Variants in CLCA4 observed in about 807,000 individuals in gnomAD.
CLCA4 encodes chloride channel accessory 4.
Under a neutral mutation model 78.9 loss-of-function variants are expected in CLCA4, and 69 were observed. That is an observed-to-expected ratio of 0.87 (90% CI 0.72 to 1.07). The LOEUF is 1.07. Ranked by LOEUF, CLCA4 falls within the 50% of genes least tolerant of loss-of-function variation. CLCA4 has a pLI of 0.00. For missense variants in CLCA4, 1,133 were observed against 1,095.8 expected (o/e 1.03, Z -0.48); for synonymous variants, 362 against 375.8 (o/e 0.96, Z 0.42).
At chr1:86,572,548 A>T in intron 8 of CLCA4, 66 bp from the exon 9 acceptor site, 1 of 944,692 alleles carries the variant, frequency 1.1e-6, no homozygotes, top group Non-Finnish European at 1.7e-6. Context: ...CTATTAGCTT[A>T]ATAATCACTA....
intron 1 of CLCA4, among the ~76,000 whole-genome samples, chr1:86,554,926 GT>G (rs988140462): frequency 1.3e-4 from 19 of 150,432 alleles, no homozygotes; most frequent in African/African-American, 4.6e-4. Flanking sequence ...CTCATGGTGG[GT>G]TTTTTTGTGT....
At chr1:86,559,113 T>C (rs1649936878) in intron 1 of CLCA4, among the ~76,000 whole-genome samples, 1 of 152,186 alleles carries the variant, frequency 6.6e-6, no homozygotes, top group Non-Finnish European at 1.5e-5. Flanking sequence ...TTTGGGGAAG[T>C]TTTCATAGAT....
In CLCA4 at chr1:86,577,998, G is replaced by A. The variant is rs1210225005; in HGVS notation, c.2048G>A (p.Gly683Glu). ...RYSLKVRAHGGANTARLKLRP... is the reference protein window; with the variant it reads ...RYSLKVRAHGEANTARLKLRP... Reference sequence around the variant, plus strand: ...AGCTTAAAAGTTCGGGCTCATGGAGGAGCAAACACTGCCAGGCTAAAATTA... The same window carrying A: ...AGCTTAAAAGTTCGGGCTCATGGAGAAGCAAACACTGCCAGGCTAAAATTA... Residue 683 changes from glycine (G) to glutamate (E), a missense_variant, in exon 12 of 14, where the codon GGA (glycine) becomes GAA (glutamate). Transcript: ENST00000370563. The A allele has an allele frequency of 1.9e-6, 3 of 1,612,806 alleles. No homozygotes were observed. The highest frequency in any genetic ancestry group is 1.7e-6 in the Non-Finnish European group (2 of 1,179,332).
intron 4 of CLCA4, among the ~76,000 whole-genome samples, chr1:86,564,551 C>A (rs1358322241): frequency 2.0e-5 from 3 of 152,036 alleles, no homozygotes; most frequent in African/African-American, 7.2e-5. Context: ...AGTTTGGAAG[C>A]AATAGAAGCA....
intron 9 of CLCA4, chr1:86,572,943 T>A: frequency 2.0e-6 from 1 of 508,270 alleles, no homozygotes; most frequent in East Asian, 3.6e-5. Context: ...TCTTTTCCTA[T>A]TGCCATGGGT....
intron 6 of CLCA4, among the ~76,000 whole-genome samples, chr1:86,566,761 A>G (rs923321770): frequency 6.6e-6 from 1 of 152,000 alleles, no homozygotes; most frequent in Non-Finnish European, 1.5e-5. Context: ...GTAGGGTGAT[A>G]AGGACTGGAG....
intron 13 of CLCA4, 39 bp from the exon 14 acceptor site, chr1:86,579,903 G>A (rs751220116): frequency 7.8e-7 from 1 of 1,282,238 alleles, no homozygotes. Context: ...AATATGCTAT[G>A]CTGCAGTCTC....
At chr1:86,579,206 T>C (rs1440490361) in intron 12 of CLCA4, 148 bp from the exon 13 acceptor site, 15 of 636,180 alleles carry the variant, frequency 2.4e-5, no homozygotes, top group Non-Finnish European at 4.2e-5. Flanking sequence ...TCTCACCAGT[T>C]GGGCGCTTAT....
chr1:86,565,280 C>T lies in CLCA4; in HGVS notation c.564C>T (p.Ser188=), dbSNP rs202050195. The change falls in exon 5 of 14, where the codon TCC becomes TCT. Residue 188 remains serine (S), a synonymous_variant. Coordinates refer to ENST00000370563, the MANE Select transcript of CLCA4 (RefSeq NM_012128.4). ...AACTGTCATATATTTTCAGGTGTTC[C>T]GCAGGTATCTCTGGTAGAAATAGAG... ...KSKKIEATRC[S]AGISGRNRVY... 1.4e-5 allele frequency: 22 copies of T among 1,587,650 alleles called. No homozygotes were observed. The highest frequency in any genetic ancestry group is 3.4e-4 in the Middle Eastern group (2 of 5,920).
In CLCA4 at chr1:86,571,167, G is replaced by C. The variant is rs1205046584; in HGVS notation, c.1273G>C (p.Glu425Gln). The C allele has an allele frequency of 1.2e-6, 2 of 1,612,906 alleles. No homozygotes were observed. Among genetic ancestry groups the C allele is most frequent in the African/African-American group, 2.7e-5 (2 of 74,864 alleles). ...EDNTASSCID[E>Q]VKQSGAIVHF... ...TAACACTGCAAGTTCTTGTATTGAT[G>C]AAGTGAAACAAAGTGGGGCCATTGT... The change falls in exon 8 of 14, where the codon GAA becomes CAA. Residue 425 changes from glutamate to glutamine, a missense_variant. Physicochemically the swap from Glu to Gln is conservative, Grantham distance 29. Transcript: ENST00000370563.
chr1:86,559,351 G>C (rs1484757775), intron 1 of CLCA4, among the ~76,000 whole-genome samples: 3 of 152,052 alleles, frequency 2.0e-5, no homozygotes, highest in African/African-American at 7.2e-5. Flanking sequence ...TCCTAAGGTT[G>C]GGATGAGAAA....
At chr1:86,548,684 G>GAAAAA (rs10615856) in intron 1 of CLCA4, among the ~76,000 whole-genome samples, 1 of 94,146 alleles carries the variant, frequency 1.1e-5, no homozygotes, top group Non-Finnish European at 2.1e-5. Flanking sequence ...TCCCTCTCTG[G>GAAAAA]AAAAAAAAAA....
Position 86,572,607 on chromosome 1 carries a change from ATT to A in CLCA4, c.1361-4_1361-3del. ...AAAGCAGTCTAATTAATGCATTTAC[ATT>A]TTAGGAGGAAGTCATTTTTATGTTT... On this transcript the variant is annotated splice_polypyrimidine_tract_variant and splice_region_variant and intron_variant, in intron 8 of 13. Coordinates refer to ENST00000370563, the MANE Select transcript of CLCA4 (RefSeq NM_012128.4). 1 of 1,544,586 alleles carries A rather than the reference ATT, an allele frequency of 6.5e-7. No homozygotes were observed. The highest frequency in any genetic ancestry group is 8.9e-7 in the Non-Finnish European group (1 of 1,118,062).
chr1:86,572,315 G>A (rs1454828510), intron 8 of CLCA4, among the ~76,000 whole-genome samples: 2 of 151,996 alleles, frequency 1.3e-5, no homozygotes, highest in Non-Finnish European at 2.9e-5. Context: ...CTCTAAAAGG[G>A]CTGTGTAAAG....
At chr1:86,575,888 C>T (rs1228759608) in intron 11 of CLCA4, among the ~76,000 whole-genome samples, 1 of 151,968 alleles carries the variant, frequency 6.6e-6, no homozygotes, top group Non-Finnish European at 1.5e-5. Context: ...GTCAGGAGTT[C>T]AAGACCAGCC....
chr1:86,566,316 C>A (rs990206328), intron 6 of CLCA4, among the ~76,000 whole-genome samples: 3 of 151,984 alleles, frequency 2.0e-5, no homozygotes, highest in East Asian at 1.9e-4. Context: ...CCTGCGCATA[C>A]CTCTGTTACT....
At chr1:86,576,355 A>C (rs536739829) in intron 11 of CLCA4, among the ~76,000 whole-genome samples, 10 of 151,938 alleles carry the variant, frequency 6.6e-5, no homozygotes, top group African/African-American at 2.4e-4. Flanking sequence ...TGTAGAGAAA[A>C]GGTCAACAAA....
chr1:86,554,685 T>C (rs1263872050), intron 1 of CLCA4, among the ~76,000 whole-genome samples: 2 of 152,184 alleles, frequency 1.3e-5, no homozygotes, highest in Non-Finnish European at 2.9e-5. Flanking sequence ...TCTGGTGGAA[T>C]GATTTATATT....
intron 12 of CLCA4, 44 bp downstream of exon 12, chr1:86,578,116 A>G (rs765303045): frequency 1.3e-6 from 2 of 1,521,976 alleles, no homozygotes; most frequent in African/African-American, 1.4e-5. Context: ...AGTTTGAACA[A>G]TATTAGTGAT....
Sources: gnomAD v4.1 joint callset for allele counts (sites outside exome capture counted in the v4.1 genomes callset) on GRCh38, gnomAD v4.1.1 for gene constraint, MANE v1.5 for transcripts, NCBI Gene and HGNC (gene_info 2026-07-23, HGNC 2026-07-21) for gene names.